GARIN1A: variants seen among roughly 807,000 people sequenced by gnomAD.
GARIN1A encodes the protein golgi associated RAB2 interactor 1A, also known as Golgi-associated RAB2 interactor protein 1A.
At chr7:128,703,799 A>G in the GARIN1A span, among the ~76,000 whole-genome samples, 1 of 151,692 alleles carries the variant, frequency 6.6e-6, no homozygotes, top group Admixed American at 6.6e-5. Context: ...AGAAAAAGAA[A>G]GTGCAGATGC....
the GARIN1A span, among the ~76,000 whole-genome samples, chr7:128,689,904 G>A: frequency 2.6e-5 from 4 of 152,274 alleles, no homozygotes; most frequent in East Asian, 5.8e-4. Flanking sequence ...CCGTCTGGGA[G>A]GTGTACCCAA....
At chr7:128,679,602 A>G in the GARIN1A span, among the ~76,000 whole-genome samples, 1 of 152,196 alleles carries the variant, frequency 6.6e-6, no homozygotes, top group African/African-American at 2.4e-5. Flanking sequence ...TCTTTGATAC[A>G]CATAAGGCCT....
At chr7:128,688,993 G>C in the GARIN1A span, among the ~76,000 whole-genome samples, 1 of 151,608 alleles carries the variant, frequency 6.6e-6, no homozygotes, top group South Asian at 2.1e-4. Flanking sequence ...GGTGGAGACG[G>C]GGTTTCGCTG....
At chr7:128,690,858 C>T in the GARIN1A span, 2 of 152,084 alleles carry the variant, frequency 1.3e-5, no homozygotes, top group Non-Finnish European at 1.5e-5. Context: ...AGAAAGCAGT[C>T]AGCTCTTACT....
the GARIN1A span, among the ~76,000 whole-genome samples, chr7:128,700,885 G>GAAAAC: frequency 6.6e-5 from 10 of 152,168 alleles, no homozygotes; most frequent in African/African-American, 2.4e-4. Flanking sequence ...TCCTACTGCT[G>GAAAAC]AAAACAAAAC....
At chr7:128,702,869 G>A in the GARIN1A span, among the ~76,000 whole-genome samples, 14 of 152,252 alleles carry the variant, frequency 9.2e-5, no homozygotes, top group East Asian at 1.9e-3. Context: ...GCTATGTAAC[G>A]CACACCAAAA....
At chr7:128,690,215 C>G in the GARIN1A span, among the ~76,000 whole-genome samples, 1 of 152,062 alleles carries the variant, frequency 6.6e-6, no homozygotes, top group Admixed American at 6.6e-5. Flanking sequence ...GCAGCATGCT[C>G]GTTAAGAGTC....
the GARIN1A span, among the ~76,000 whole-genome samples, chr7:128,681,513 CTCCTT>C: frequency 7.4e-6 from 1 of 135,802 alleles, no homozygotes; most frequent in Non-Finnish European, 1.6e-5. Flanking sequence ...TTCCTCTCCT[CTCCTT>C]TCCAACAGTG....
the GARIN1A span, among the ~76,000 whole-genome samples, chr7:128,700,291 T>G: frequency 6.6e-6 from 1 of 151,472 alleles, no homozygotes; most frequent in Admixed American, 6.6e-5. Flanking sequence ...TTTGTTTTTT[T>G]TTTTTTTGAA....
At chr7:128,680,172 T>A in the GARIN1A span, 1 of 1,388,818 alleles carries the variant, frequency 7.2e-7, no homozygotes, top group South Asian at 1.3e-5. Flanking sequence ...TGGGGTCAGC[T>A]CCAGATCCCT....
the GARIN1A span, among the ~76,000 whole-genome samples, chr7:128,696,800 G>A: frequency 6.6e-6 from 1 of 152,212 alleles, no homozygotes; most frequent in African/African-American, 2.4e-5. Context: ...CATTCTGGCA[G>A]TTGAGGGCCA....
At chr7:128,677,504 CAAAAAAAA>C in the GARIN1A span, 60 of 1,272,878 alleles carry the variant, frequency 4.7e-5, no homozygotes, top group Non-Finnish European at 5.3e-5. Context: ...GACTCCGTCT[CAAAAAAAA>C]AAAAAAAAGA....
At chr7:128,696,332 T>A in the GARIN1A span, among the ~76,000 whole-genome samples, 5 of 152,130 alleles carry the variant, frequency 3.3e-5, no homozygotes, top group African/African-American at 1.2e-4. Context: ...TCTGTGGAAC[T>A]TCTATACACC....
chr7:128,682,694 C>T, the GARIN1A span, among the ~76,000 whole-genome samples: 8,204 of 152,244 alleles, frequency 0.054, 433 homozygotes, highest in East Asian at 0.21. Flanking sequence ...TCTCATGCCT[C>T]AGCCTCCCGA....
chr7:128,677,043 G>C, the GARIN1A span, among the ~76,000 whole-genome samples: 2 of 151,794 alleles, frequency 1.3e-5, no homozygotes, highest in African/African-American at 4.8e-5. Context: ...TGGGTGTACT[G>C]GCATACACCT....
chr7:128,695,970 A>T, the GARIN1A span, among the ~76,000 whole-genome samples: 1 of 143,066 alleles, frequency 7.0e-6, no homozygotes, highest in Non-Finnish European at 1.5e-5. This position sits in a 1 kb window ranked among gnomAD's most constrained non-coding sequence, Gnocchi z 4.5. Flanking sequence ...CTTGTGTGGA[A>T]TTTCCCTCCC....
chr7:128,671,809 T>C, the GARIN1A span, among the ~76,000 whole-genome samples: 1,077 of 151,984 alleles, frequency 7.1e-3, 11 homozygotes, highest in African/African-American at 0.025. Flanking sequence ...ATAAATAAGC[T>C]TCTCAGTTTA....
chr7:128,677,229 C>T, the GARIN1A span, among the ~76,000 whole-genome samples: 10 of 151,912 alleles, frequency 6.6e-5, no homozygotes, highest in African/African-American at 2.4e-4. Flanking sequence ...CGGGCTCAGC[C>T]GGGCGTGGTG....
At chr7:128,681,661 C>T in the GARIN1A span, among the ~76,000 whole-genome samples, 1 of 151,772 alleles carries the variant, frequency 6.6e-6, no homozygotes, top group Non-Finnish European at 1.5e-5. Context: ...ACCACCATGC[C>T]TGGCTAATTT....
Sources: gnomAD v4.1 joint callset for allele counts (sites outside exome capture counted in the v4.1 genomes callset) on GRCh38, gnomAD v4.1.1 for gene constraint, Gnocchi (gnomAD v3.1) non-coding constraint, MANE v1.5 for transcripts, NCBI Gene and HGNC (gene_info 2026-07-23, HGNC 2026-07-21) for gene names.